UTRN: variants seen among roughly 807,000 people sequenced by gnomAD.
The protein encoded by UTRN is dystrophin-related protein 1.
UTRN carries 283 observed loss-of-function variants against 463.9 expected under a neutral mutation model. That is an observed-to-expected ratio of 0.61 (90% confidence interval 0.55 to 0.67). The LOEUF is 0.67. Ranked by LOEUF, UTRN falls within the 30% of genes least tolerant of loss-of-function variation. The probability of loss-of-function intolerance (pLI) is 0.00; values close to 1 mark genes in which losing one functional copy is unlikely to be tolerated. For missense variants in UTRN, 3,922 were observed against 4,084.3 expected (o/e 0.96, Z 1.08); for synonymous variants, 1,442 against 1,431.5 (o/e 1.01, Z -0.17).
At chr6:144,315,076 C>T (rs1775196396) in intron 2 of UTRN, among the ~76,000 whole-genome samples, 2 of 152,094 alleles carry the variant, frequency 1.3e-5, no homozygotes, top group Admixed American at 1.3e-4. Context: ...GACCCAGGGC[C>T]TGGGCACTTA....
intron 51 of UTRN, among the ~76,000 whole-genome samples, chr6:144,622,906 G>C (rs1311456371): frequency 6.6e-6 from 1 of 152,148 alleles, no homozygotes; most frequent in Non-Finnish European, 1.5e-5. Context: ...TTTAAAATGA[G>C]ACATAACTAA....
At chr6:144,705,170 G>C (rs993686077) in intron 53 of UTRN, among the ~76,000 whole-genome samples, 4 of 152,094 alleles carry the variant, frequency 2.6e-5, no homozygotes, top group African/African-American at 4.8e-5. Flanking sequence ...GAGGGTTGTT[G>C]GCTCCTCATA....
intron 65 of UTRN, among the ~76,000 whole-genome samples, chr6:144,817,962 T>C (rs529753756): frequency 6.6e-6 from 1 of 152,304 alleles, no homozygotes; most frequent in African/African-American, 2.4e-5. Flanking sequence ...GTTTGTTATT[T>C]TGTGCATGGG....
intron 51 of UTRN, among the ~76,000 whole-genome samples, chr6:144,616,885 T>A (rs1278649072): frequency 1.3e-5 from 2 of 152,156 alleles, no homozygotes; most frequent in African/African-American, 4.8e-5. Flanking sequence ...CGCCATAGCG[T>A]TCTACCACCT....
chr6:144,789,030 G>T (rs1776533821), intron 61 of UTRN, among the ~76,000 whole-genome samples, 164 bp from the exon 62 acceptor site: 1 of 152,152 alleles, frequency 6.6e-6, no homozygotes, highest in African/African-American at 2.4e-5. Context: ...TGAAATTACA[G>T]TATTGGTTTA....
At chr6:144,432,395 T>C (rs995261766) in intron 9 of UTRN, among the ~76,000 whole-genome samples, 1 of 152,256 alleles carries the variant, frequency 6.6e-6, no homozygotes, top group Admixed American at 6.5e-5. Flanking sequence ...GGTTTCTTAC[T>C]ATCACAGTAT....
chr6:144,411,456 C>T (rs35748694), intron 3 of UTRN, among the ~76,000 whole-genome samples: 133 of 152,224 alleles, frequency 8.7e-4, no homozygotes, highest in Non-Finnish European at 1.5e-3. Context: ...ACCTGATTGT[C>T]CGTGGAGTAT....
At chr6:144,846,690 G>T in intron 73 of UTRN, 115 bp from the exon 74 acceptor site, 1 of 1,378,686 alleles carries the variant, frequency 7.3e-7, no homozygotes, top group Non-Finnish European at 1.0e-6. Context: ...TTTAACAACT[G>T]GGCTATTATT....
At position 144,488,782 on chromosome 6, in the gene UTRN, C is replaced by A; in HGVS notation, c.4082C>A (p.Thr1361Asn). 6.2e-7 allele frequency: 1 copy of A among 1,610,704 alleles called. No homozygotes were observed. The highest frequency in any genetic ancestry group is 8.5e-7 in the Non-Finnish European group (1 of 1,178,012). Reference sequence around the variant, plus strand: ...TTGGGGGAGCTGGACAAACAGCTCACCACATACCTGACTGACAGGATAGAT... The same window carrying A: ...TTGGGGGAGCTGGACAAACAGCTCAACACATACCTGACTGACAGGATAGAT... ...ESLGELDKQL[T>N]TYLTDRIDAF... Residue 1361 changes from threonine to asparagine, a missense_variant, in exon 30 of 75, where the codon ACC becomes AAC. By Grantham distance (65) the Thr-to-Asn change is moderately conservative (BLOSUM62 0). This residue lies in a region of UTRN where 2,349 missense variants were observed against 2,303.8 expected (regional missense o/e 1.02). Coordinates refer to ENST00000367545, the MANE Select transcript of UTRN (RefSeq NM_007124.3).
chr6:144,354,823 A>T (rs2114668113), intron 2 of UTRN, among the ~76,000 whole-genome samples: 1 of 152,200 alleles, frequency 6.6e-6, no homozygotes, highest in Middle Eastern at 3.4e-3. Flanking sequence ...CTGTCACAAC[A>T]TTCATGATGG....
chr6:144,766,535 C>T (rs555851258), intron 58 of UTRN, among the ~76,000 whole-genome samples: 2 of 152,192 alleles, frequency 1.3e-5, no homozygotes, highest in African/African-American at 4.8e-5. Flanking sequence ...GTATAACTTA[C>T]TTACAGTGTT....
intron 53 of UTRN, among the ~76,000 whole-genome samples, chr6:144,701,215 T>G (rs1245109419): frequency 6.6e-6 from 1 of 151,914 alleles, no homozygotes; most frequent in African/African-American, 2.4e-5. Flanking sequence ...CCTGAGAAAA[T>G]TTTTAAACTA....
intron 51 of UTRN, among the ~76,000 whole-genome samples, chr6:144,631,235 GAGGTGTGTGT>G (rs1585670616): frequency 9.2e-6 from 1 of 108,624 alleles, no homozygotes; most frequent in South Asian, 3.7e-4. Flanking sequence ...GTGAGAGAGA[GAGGTGTGTGT>G]GTGTGTGTGT....
chr6:144,547,733 A>C (rs556144309), intron 46 of UTRN, among the ~76,000 whole-genome samples: 1 of 152,178 alleles, frequency 6.6e-6, no homozygotes, highest in Non-Finnish European at 1.5e-5. Context: ...TTATTAGCTA[A>C]ATAATATAAC....
At chr6:144,744,196 G>A (rs2128720592) in intron 54 of UTRN, among the ~76,000 whole-genome samples, 1 of 148,188 alleles carries the variant, frequency 6.7e-6, no homozygotes, top group South Asian at 2.1e-4. Context: ...AAGCTGAGGT[G>A]GGAGGATCAC....
chr6:144,318,848 A>C (rs540805293), intron 2 of UTRN, among the ~76,000 whole-genome samples: 1 of 152,280 alleles, frequency 6.6e-6, no homozygotes, highest in East Asian at 1.9e-4. Flanking sequence ...AGGCAGGCAG[A>C]TTGTTGGAGC....
At chr6:144,311,812 T>A (rs1201197747) in intron 2 of UTRN, 1 of 152,222 alleles carries the variant, frequency 6.6e-6, no homozygotes, top group Non-Finnish European at 1.5e-5. Flanking sequence ...GAAATATAGA[T>A]TATATGATGG....
intron 56 of UTRN, among the ~76,000 whole-genome samples, chr6:144,752,816 C>T (rs1391554895): frequency 6.6e-6 from 1 of 151,964 alleles, no homozygotes; most frequent in Non-Finnish European, 1.5e-5. Context: ...ACTTCCCATT[C>T]TATTTCTGTT....
intron 2 of UTRN, among the ~76,000 whole-genome samples, chr6:144,327,015 G>C (rs1304248251): frequency 6.6e-6 from 1 of 152,168 alleles, no homozygotes; most frequent in Non-Finnish European, 1.5e-5. Flanking sequence ...TGGTGGATTT[G>C]TACCTGAGAA....
Sources: gnomAD v4.1 joint callset for allele counts (sites outside exome capture counted in the v4.1 genomes callset) on GRCh38, gnomAD v4.1.1 for gene constraint, gnomAD v4.1.1 regional missense constraint, MANE v1.5 for transcripts, NCBI Gene and HGNC (gene_info 2026-07-23, HGNC 2026-07-21) for gene names.